PCDHA5: variants seen among roughly 807,000 people sequenced by gnomAD.
The protein encoded by PCDHA5 is protocadherin alpha 5.
PCDHA5 carries 43 observed loss-of-function variants against 61.6 expected under a neutral mutation model. That is an observed-to-expected ratio of 0.70 (90% CI 0.55 to 0.90). The LOEUF (loss-of-function observed/expected upper bound fraction) is 0.90. Among genes scored for constraint, PCDHA5 ranks in the 40% least tolerant of loss-of-function variants. PCDHA5 has a pLI of 0.00. For synonymous variants in PCDHA5, 627 were observed against 543.9 expected (o/e 1.15, Z -2.13); for missense variants, 1,298 against 1,222.7 (o/e 1.06, Z -0.92).
intron 1 of PCDHA5, chr5:140,836,251 G>A: frequency 6.2e-7 from 1 of 1,613,786 alleles, no homozygotes; most frequent in South Asian, 1.1e-5. Flanking sequence ...ATCCCGTTCC[G>A]CGTGGGGCTG....
chr5:140,870,399 T>C, intron 1 of PCDHA5: 1 of 1,614,196 alleles, frequency 6.2e-7, no homozygotes, highest in Non-Finnish European at 8.5e-7. Flanking sequence ...GGGGTTCGCC[T>C]TCTCTGTGGG....
chr5:140,910,976 A>G (rs1265082758), intron 1 of PCDHA5, among the ~76,000 whole-genome samples: 1 of 152,058 alleles, frequency 6.6e-6, no homozygotes, highest in Non-Finnish European at 1.5e-5. Context: ...CTCATGGGTT[A>G]TACTCTGAAC....
intron 1 of PCDHA5, chr5:140,824,483 G>T (rs906955863): frequency 8.2e-6 from 3 of 366,610 alleles, no homozygotes; most frequent in Non-Finnish European, 1.5e-5. Context: ...TTATTTTTTA[G>T]AGACCCTTTG....
At chr5:140,836,252 C>T (rs2150256494) in intron 1 of PCDHA5, 2 of 1,613,762 alleles carry the variant, frequency 1.2e-6, no homozygotes, top group Admixed American at 1.7e-5. Context: ...TCCCGTTCCG[C>T]GTGGGGCTGT....
chr5:140,843,647 C>T lies in PCDHA5; in HGVS notation c.2352+19520C>T, dbSNP rs2150364514. 10 of 1,595,364 alleles carry T rather than the reference C, an allele frequency of 6.3e-6. No individual in the cohort carries two copies. The African/African-American group carries it at 1.3e-4, about 21-fold the overall frequency. On this transcript the variant is annotated intron_variant, in intron 1 of 3. Coordinates refer to ENST00000529859, the MANE Select transcript of PCDHA5 (RefSeq NM_018908.3). Reference sequence around the variant, plus strand: ...GGACCTCATGGCCTTCAGCCCCTGCCTTCCTCCTGATCTGGGATCAGTTGA... The same window carrying T: ...GGACCTCATGGCCTTCAGCCCCTGCTTTCCTCCTGATCTGGGATCAGTTGA...
At chr5:140,861,535 G>A (rs1014652583) in intron 1 of PCDHA5, 3 of 446,466 alleles carry the variant, frequency 6.7e-6, no homozygotes, top group East Asian at 1.3e-4. Context: ...TCGGAGTGCA[G>A]CATCCACCTG....
At chr5:140,829,255 G>C (rs2150164788) in intron 1 of PCDHA5, 10 of 1,614,172 alleles carry the variant, frequency 6.2e-6, no homozygotes, top group South Asian at 4.4e-5. Context: ...TGAACTGCTC[G>C]CTGACGCCTC....
rs2150116611 is a variant in PCDHA5 at position 140,822,468 on chromosome 5, A to G, written c.693A>G (p.Val231=). Residue 231 remains valine (V), a synonymous_variant, in exon 1 of 4, where the codon GTA becomes GTG. Coordinates refer to ENST00000529859, the MANE Select transcript of PCDHA5 (RefSeq NM_018908.3). ...LTGTVQLLIN[V]LDANDNAPEF... Reference sequence around the variant, plus strand: ...GTACAGTTCAGTTGTTGATCAATGTATTGGATGCTAATGATAACGCCCCAG... The same window carrying G: ...GTACAGTTCAGTTGTTGATCAATGTGTTGGATGCTAATGATAACGCCCCAG... 11 of 1,613,676 alleles carry G rather than the reference A, an allele frequency of 6.8e-6. No individual in the cohort carries two copies. The African/African-American group carries it at 1.5e-4, about 22-fold the overall frequency.
chr5:140,884,802 A>G, intron 1 of PCDHA5: 1 of 1,232,140 alleles, frequency 8.1e-7, no homozygotes, highest in Non-Finnish European at 1.1e-6. Flanking sequence ...GAATTTAACA[A>G]CTCTGCTGTG....
intron 1 of PCDHA5, chr5:140,855,985 T>C (rs1308397078): frequency 1.4e-6 from 2 of 1,473,214 alleles, no homozygotes; most frequent in East Asian, 2.3e-5. Flanking sequence ...GGACAGAAAA[T>C]GTCAGATCGT....
intron 1 of PCDHA5, among the ~76,000 whole-genome samples, chr5:140,973,873 G>A (rs546928847): frequency 3.3e-5 from 5 of 152,292 alleles, no homozygotes; most frequent in African/African-American, 1.2e-4. Flanking sequence ...TGAGAGGTCA[G>A]AATAATGTCA....
chr5:140,853,435 A>G lies in PCDHA5; in HGVS notation c.2352+29308A>G, dbSNP rs2150531946. ...GTGAAAGCAGAAGAGACACTTTCCTATTTTGCCTAATAGGTCTCCTTATAT... is the reference window on the plus strand; with the variant it reads ...GTGAAAGCAGAAGAGACACTTTCCTGTTTTGCCTAATAGGTCTCCTTATAT... On this transcript the variant is annotated intron_variant, in intron 1 of 3. Coordinates refer to ENST00000529859, the MANE Select transcript of PCDHA5 (RefSeq NM_018908.3). 6.1e-5 allele frequency: 60 copies of G among 984,096 alleles called. 8 individuals carry two copies. Among genetic ancestry groups the G allele is most frequent in the Non-Finnish European group, 6.7e-5 (55 of 816,498 alleles). The allele number at this position is 984,096 out of a possible 1,614,324, so 61.0% of individuals were successfully genotyped here.
chr5:140,855,049 C>G (rs188702829), intron 1 of PCDHA5, among the ~76,000 whole-genome samples: 3 of 149,820 alleles, frequency 2.0e-5, no homozygotes, highest in South Asian at 2.1e-4. Context: ...TGTAATAGTA[C>G]TTTTCTGTTT....
In PCDHA5 at chr5:141,000,054, A is replaced by G. The variant is rs189634054; in HGVS notation, c.2501-9573A>G. On this transcript the variant is annotated intron_variant, in intron 3 of 3. Coordinates refer to ENST00000529859, the MANE Select transcript of PCDHA5 (RefSeq NM_018908.3). ...CCAATCACACACACACCACTCTCCC[A>G]GCTGCTCTGTAGATCACAATGCTAG... Among the ~76,000 whole-genome samples the G allele has an allele frequency of 4.0e-3, 609 of 152,230 alleles. 3 individuals carry two copies. Among genetic ancestry groups the G allele is most frequent in the African/African-American group, 0.014 (564 of 41,556 alleles).
chr5:140,855,239 A>T (rs1315147782), intron 1 of PCDHA5, among the ~76,000 whole-genome samples: 1 of 149,864 alleles, frequency 6.7e-6, no homozygotes, highest in Non-Finnish European at 1.5e-5. Flanking sequence ...TTAAGGTACT[A>T]TTGCAAGCAC....
rs2150356051 is a variant in PCDHA5, at chr5:140,843,257, C to A, written c.2352+19130C>A. On this transcript the variant is annotated intron_variant, in intron 1 of 3. Coordinates refer to ENST00000529859, the MANE Select transcript of PCDHA5 (RefSeq NM_018908.3). ...GGACGAAGCGGACTCTCCGCGCCAC[C>A]GTCTGCTGGTCCTGGTGAAGGATCA... 1.1e-5 allele frequency: 18 copies of A among 1,596,054 alleles called. 1 individual carries two copies. Among genetic ancestry groups the A allele is most frequent in the Non-Finnish European group, 1.5e-5 (18 of 1,165,602 alleles).
At chr5:140,859,043 C>G (rs552891148) in intron 1 of PCDHA5, 1 of 150,484 alleles carries the variant, frequency 6.6e-6, no homozygotes, top group Non-Finnish European at 1.5e-5. Context: ...ACTTTAAAAA[C>G]GTTTTCCATT....
chr5:140,975,503 CT>C (rs1189456467), intron 1 of PCDHA5, among the ~76,000 whole-genome samples: 3 of 152,178 alleles, frequency 2.0e-5, no homozygotes, highest in Non-Finnish European at 4.4e-5. Flanking sequence ...TAAAATAGCA[CT>C]ATGCAAAATC....
chr5:140,837,515 A>C (rs1170524958), intron 1 of PCDHA5, among the ~76,000 whole-genome samples: 2 of 96,498 alleles, frequency 2.1e-5, no homozygotes, highest in African/African-American at 1.1e-4. Context: ...GAAGCAGTTT[A>C]CTTTTTTTGT....
Sources: allele counts gnomAD v4.1 joint callset (sites outside exome capture counted in the v4.1 genomes callset), GRCh38; gene constraint gnomAD v4.1.1; transcripts MANE v1.5; gene names NCBI Gene and HGNC (gene_info 2026-07-23, HGNC 2026-07-21).